The following PCDHA4 variants were observed in gnomAD, a reference collection of about 807,000 sequenced individuals.
PCDHA4 encodes protocadherin alpha-4.
PCDHA4 carries 49 observed loss-of-function variants against 61.4 expected under a neutral mutation model. The ratio of observed to expected loss-of-function variants is 0.80; its 90% CI spans 0.63 to 1.01. The LOEUF is 1.01. Among genes scored for constraint, PCDHA4 ranks in the 50% least tolerant of loss-of-function variants. The pLI, the probability that PCDHA4 is intolerant of heterozygous loss-of-function variation, is 0.00. For missense variants in PCDHA4, 1,254 were observed against 1,235.8 expected, an observed-to-expected ratio of 1.01 and a Z score of -0.22; for synonymous variants, 590 against 550.3, an observed-to-expected ratio of 1.07 and a Z score of -1.01.
chr5:140,897,881 C>G (rs1417702752), intron 1 of PCDHA4, among the ~76,000 whole-genome samples: 1 of 152,312 alleles, frequency 6.6e-6, no homozygotes, highest in Admixed American at 6.5e-5. Context: ...GATTGCCATT[C>G]TAACTGGTGT....
intron 1 of PCDHA4, among the ~76,000 whole-genome samples, chr5:140,936,248 G>A (rs2090860399): frequency 6.6e-6 from 1 of 152,086 alleles, no homozygotes; most frequent in Admixed American, 6.5e-5. Context: ...AACATATCCT[G>A]CTTCAAGTCA....
intron 1 of PCDHA4, chr5:140,966,502 G>GGCAGCA (rs2096011406): frequency 6.9e-6 from 3 of 433,776 alleles, no homozygotes; most frequent in Non-Finnish European, 1.2e-5. Context: ...GAGCTGTAGC[G>GGCAGCA]GCAGCAGCAG....
At chr5:140,947,550 G>T (rs967081376) in intron 1 of PCDHA4, among the ~76,000 whole-genome samples, 1 of 151,402 alleles carries the variant, frequency 6.6e-6, no homozygotes, top group Non-Finnish European at 1.5e-5. Flanking sequence ...AAAGAATTCC[G>T]CTGGGATTTA....
chr5:140,829,414 G>T lies in PCDHA4; in HGVS notation c.2385+19842G>T, dbSNP rs2150167500. On this transcript the variant is annotated intron_variant, in intron 1 of 3. Transcript: ENST00000530339. ...CTTCGCTGTGGGCCACCGCCAGCTTGTCTGTGGAGGTGGCCGACATGAATG... is the reference window on the plus strand; with the variant it reads ...CTTCGCTGTGGGCCACCGCCAGCTTTTCTGTGGAGGTGGCCGACATGAATG... 5.0e-6 allele frequency: 8 copies of T among 1,614,162 alleles called. No homozygotes were observed. In the East Asian group the frequency reaches 1.8e-4, roughly 36 times the overall value.
chr5:140,927,843 C>G, intron 1 of PCDHA4: 2 of 1,614,186 alleles, frequency 1.2e-6, no homozygotes, highest in Non-Finnish European at 1.7e-6. Flanking sequence ...ACGAAGGTGT[C>G]TTTGGTTTAG....
intron 1 of PCDHA4, 53 bp downstream of exon 1, chr5:140,809,625 C>T (rs782420889): frequency 4.6e-6 from 7 of 1,508,084 alleles, no homozygotes; most frequent in Non-Finnish European, 6.2e-6. Context: ...TCTCTATCAA[C>T]TTCTTCGTAA....
intron 1 of PCDHA4, chr5:140,830,919 GTTTTTCTGTCGACAC>G: frequency 6.6e-6 from 1 of 152,324 alleles, no homozygotes; most frequent in Admixed American, 6.5e-5. Context: ...CCATTTCAAT[GTTTTTCTGTCGACAC>G]TTTTATTAAG....
rs145391750 is a variant in PCDHA4, at chr5:140,989,649, A to G, written c.2533+7086A>G. On this transcript the variant is annotated intron_variant, in intron 3 of 3. Coordinates refer to ENST00000530339, the MANE Select transcript of PCDHA4 (RefSeq NM_018907.4). ...GTGACAGCAAGGGTCTTTCATGGCA[A>G]TATTTTAAAAGAAACTCTGCCCAGA... 1.8e-3 allele frequency among the ~76,000 whole-genome samples: 268 copies of G among 152,316 alleles called. 1 individual carries two copies. The highest frequency in any genetic ancestry group is 6.3e-3 in the African/African-American group (263 of 41,564).
chr5:140,853,105 T>G, intron 1 of PCDHA4: 1 of 397,242 alleles, frequency 2.5e-6, no homozygotes, highest in African/African-American at 2.2e-5. Context: ...GGTCTCGATC[T>G]CCTGACCTCA....
intron 1 of PCDHA4, among the ~76,000 whole-genome samples, chr5:140,837,794 A>C (rs1554136640): frequency 1.3e-5 from 2 of 151,558 alleles, no homozygotes; most frequent in African/African-American, 4.9e-5. Flanking sequence ...CTCCCATCTC[A>C]GCCTCTGGAG....
intron 1 of PCDHA4, among the ~76,000 whole-genome samples, chr5:140,960,717 T>G (rs367185): frequency 9.9e-5 from 3 of 30,264 alleles, no homozygotes; most frequent in African/African-American, 2.5e-4. Flanking sequence ...ATACTCATCT[T>G]ATTTTAGTCC....
At chr5:140,967,406 G>A in intron 1 of PCDHA4, 1 of 1,613,006 alleles carries the variant, frequency 6.2e-7, no homozygotes, top group Non-Finnish European at 8.5e-7. Flanking sequence ...GCTGCGTAAG[G>A]GCCTAGACCG....
In PCDHA4 at chr5:141,009,476, C is replaced by G. The variant is rs970744618; in HGVS notation, c.2534-151C>G. ...TTAAACAAATAAATAAATAAGTAAA[C>G]ACTTGCCTTGCCCTCAGACTTGAAC... On this transcript the variant is annotated intron_variant, in intron 3 of 3. Coordinates refer to ENST00000530339, the MANE Select transcript of PCDHA4 (RefSeq NM_018907.4). 2.3e-5 allele frequency: 32 copies of G among 1,420,036 alleles called. No individual in the cohort carries two copies. The East Asian group carries it at 7.2e-4, about 32-fold the overall frequency. 88.0% of individuals were successfully genotyped at this position (1,420,036 alleles called of 1,614,324 possible).
chr5:140,995,073 CA>C (rs537697820), intron 3 of PCDHA4, among the ~76,000 whole-genome samples: 319 of 152,298 alleles, frequency 2.1e-3, no homozygotes, highest in African/African-American at 7.3e-3. Flanking sequence ...CAACCTACAG[CA>C]ATCCAAACTT....
intron 1 of PCDHA4, chr5:140,858,518 A>G: frequency 7.0e-7 from 1 of 1,420,434 alleles, no homozygotes; most frequent in African/African-American, 1.4e-5. Context: ...TATGTATCAG[A>G]ATATTTCATT....
At chr5:140,831,520 CTT>C (rs2150195630) in intron 1 of PCDHA4, among the ~76,000 whole-genome samples, 29 of 122,402 alleles carry the variant, frequency 2.4e-4, no homozygotes, top group South Asian at 8.4e-4. Flanking sequence ...TGCCCCCCAC[CTT>C]TTTTTTTTTT....
intron 1 of PCDHA4, chr5:140,966,591 C>A (rs2096024240): frequency 1.7e-6 from 1 of 588,704 alleles, no homozygotes; most frequent in Non-Finnish European, 2.7e-6. Flanking sequence ...GACGGTGGGG[C>A]CAGGAGCCCT....
Position 140,881,357 on chromosome 5 carries a change from CT to C in PCDHA4, c.2385+71788del, listed in dbSNP as rs1486951603. 3.0e-6 allele frequency: 3 copies of C among 985,228 alleles called. No homozygotes were observed. The African/African-American group carries it at 5.2e-5, about 17-fold the overall frequency. 61.0% of individuals were successfully genotyped at this position (985,228 alleles called of 1,614,324 possible). A position where few individuals can be genotyped will look rare whatever the true frequency, so the allele number is the denominator to read the frequency against. ...CGCCGATTCGGGCTACAATGCGTGG[CT>C]TTCGTATGAATTGCAGCCGGCGGCG... On this transcript the variant is annotated intron_variant, in intron 1 of 3. Coordinates refer to ENST00000530339, the MANE Select transcript of PCDHA4 (RefSeq NM_018907.4).
chr5:140,846,269 G>T (rs1676658281), intron 1 of PCDHA4, among the ~76,000 whole-genome samples: 1 of 148,838 alleles, frequency 6.7e-6, no homozygotes, highest in Admixed American at 6.7e-5. Context: ...ATGATTTAAA[G>T]TCAATTTATG....
Sources: gnomAD v4.1 joint callset for allele counts (sites outside exome capture counted in the v4.1 genomes callset) on GRCh38, gnomAD v4.1.1 for gene constraint, MANE v1.5 for transcripts, NCBI Gene and HGNC (gene_info 2026-07-23, HGNC 2026-07-21) for gene names.